Variants in CLIP1 observed in about 807,000 individuals in gnomAD.
CLIP1 encodes the protein CAP-Gly domain-containing linker protein 1.
In CLIP1, 66 loss-of-function variants were observed where a neutral mutation model predicts 161.6. The observed-to-expected ratio is 0.41, with a 90% CI of 0.33 to 0.50. The LOEUF is 0.50. Ranked by LOEUF, CLIP1 falls within the 20% of genes least tolerant of loss-of-function variation. CLIP1 has a pLI of 0.27. For synonymous variants in CLIP1, 598 were observed against 626.2 expected, an observed-to-expected ratio of 0.96 and a Z score of 0.67; for missense variants, 1,376 against 1,702.0, an observed-to-expected ratio of 0.81 and a Z score of 3.37.
chr12:122,364,152 T>C (rs765502454), intron 3 of CLIP1, 45 bp from the exon 4 acceptor site: 4 of 1,612,512 alleles, frequency 2.5e-6, no homozygotes, highest in Non-Finnish European at 3.4e-6. Flanking sequence ...CATCACTCTA[T>C]AGCTTAATCG....
chr12:122,292,474 C>A (rs988848570), intron 20 of CLIP1, among the ~76,000 whole-genome samples: 4 of 152,114 alleles, frequency 2.6e-5, no homozygotes, highest in Non-Finnish European at 5.9e-5. Context: ...ATTCTTTGAG[C>A]GCTTCCTTGC....
In CLIP1 at chr12:122,341,774, T is replaced by C. The variant is rs1175695885; in HGVS notation, c.1507-77A>G. 64 of 624,128 alleles carry C rather than the reference T, an allele frequency of 1.0e-4. 6 individuals carry two copies. The East Asian group carries it at 1.9e-3, about 18-fold the overall frequency. 38.7% of individuals were successfully genotyped at this position (624,128 alleles called of 1,614,324 possible). ...ACTATTTTCTTTTCTTTTTTTTTTT[T>C]TTTTTTTTTTTTTTTTTTTTTTTTT... is the stretch of plus-strand genomic sequence containing the variant. On this transcript the variant is annotated intron_variant, in intron 10 of 25. Coordinates refer to ENST00000620786, the MANE Select transcript of CLIP1 (RefSeq NM_001247997.2).
intron 11 of CLIP1, among the ~76,000 whole-genome samples, chr12:122,338,746 C>T (rs1222007304): frequency 6.6e-6 from 1 of 151,854 alleles, no homozygotes; most frequent in Non-Finnish European, 1.5e-5. Context: ...ACAAAAAAAT[C>T]CACTGGACAA....
At chr12:122,305,500 A>G (rs1414352809) in intron 20 of CLIP1, among the ~76,000 whole-genome samples, 1 of 152,170 alleles carries the variant, frequency 6.6e-6, no homozygotes, top group Non-Finnish European at 1.5e-5. Context: ...CTGAATTTAC[A>G]CTGTATGCTT....
At chr12:122,313,166 T>G (rs1337317420) in intron 19 of CLIP1, among the ~76,000 whole-genome samples, 1 of 152,190 alleles carries the variant, frequency 6.6e-6, no homozygotes, top group Non-Finnish European at 1.5e-5. Flanking sequence ...AGCCATATTG[T>G]GCCAAGTCAC....
At chr12:122,362,383 C>A (rs1051791981) in intron 4 of CLIP1, among the ~76,000 whole-genome samples, 1 of 151,068 alleles carries the variant, frequency 6.6e-6, no homozygotes, top group South Asian at 2.1e-4. Flanking sequence ...CCGTGGCTCA[C>A]GCCTGTAATA....
At chr12:122,309,709 A>C in intron 20 of CLIP1, 53 bp downstream of exon 20, 1 of 1,603,482 alleles carries the variant, frequency 6.2e-7, no homozygotes, top group Non-Finnish European at 8.5e-7. Flanking sequence ...TGCTGCCAAC[A>C]GCAGCAGCAC....
chr12:122,316,949 C>A, intron 18 of CLIP1, 94 bp from the exon 19 acceptor site: 2 of 758,844 alleles, frequency 2.6e-6, no homozygotes, highest in Non-Finnish European at 4.1e-6. Context: ...ACTGAAAAGA[C>A]AGATGAAATT....
At chr12:122,304,355 T>G (rs1235115964) in intron 20 of CLIP1, among the ~76,000 whole-genome samples, 1 of 152,142 alleles carries the variant, frequency 6.6e-6, no homozygotes, top group Non-Finnish European at 1.5e-5. Flanking sequence ...CCTTTCTTGG[T>G]TGCCAATTTA....
At chr12:122,349,809 A>C (rs1337642998) in intron 9 of CLIP1, among the ~76,000 whole-genome samples, 1 of 152,248 alleles carries the variant, frequency 6.6e-6, no homozygotes, top group East Asian at 1.9e-4. Context: ...GAAGGAGAGA[A>C]GAGACCCAGA....
At chr12:122,416,640 C>T (rs1477022872) in intron 1 of CLIP1, among the ~76,000 whole-genome samples, 1 of 152,100 alleles carries the variant, frequency 6.6e-6, no homozygotes, top group Non-Finnish European at 1.5e-5. Context: ...GTGGCTCACA[C>T]CTGTAATCCC....
intron 20 of CLIP1, among the ~76,000 whole-genome samples, chr12:122,309,249 A>ATG (rs1950981540): frequency 6.6e-6 from 1 of 152,240 alleles, no homozygotes; most frequent in African/African-American, 2.4e-5. Context: ...TTACCAATGC[A>ATG]CACAAGTGTA....
intron 20 of CLIP1, among the ~76,000 whole-genome samples, chr12:122,294,987 C>G (rs893821654): frequency 6.7e-6 from 1 of 148,258 alleles, no homozygotes; most frequent in African/African-American, 2.5e-5. Flanking sequence ...ACCCAGGAGG[C>G]AGAGGTTTCA....
At chr12:122,317,281 A>G (rs139213547) in intron 18 of CLIP1, among the ~76,000 whole-genome samples, 3 of 152,354 alleles carry the variant, frequency 2.0e-5, no homozygotes, top group Non-Finnish European at 4.4e-5. Context: ...TTAGGATACG[A>G]TATTTTTCAA....
chr12:122,342,302 C>T (rs539353644), intron 10 of CLIP1: 2 of 152,268 alleles, frequency 1.3e-5, no homozygotes, highest in South Asian at 4.1e-4. Flanking sequence ...ATATAACTGC[C>T]TCCTGAAAGA....
At chr12:122,284,406 G>C (rs1389707790) in intron 21 of CLIP1, among the ~76,000 whole-genome samples, 1 of 151,466 alleles carries the variant, frequency 6.6e-6, no homozygotes, top group East Asian at 1.9e-4. Context: ...AGGCTGGAGT[G>C]CAATGGCGCG....
Position 122,384,936 on chromosome 12 carries a change from A to ATTT in CLIP1, c.-106-4381_-106-4379dup, listed in dbSNP as rs201805064. Among the ~76,000 whole-genome samples the ATTT allele has an allele frequency of 1.4e-3, 188 of 136,806 alleles. 1 individual carries two copies. Among genetic ancestry groups the ATTT allele is most frequent in the African/African-American group, 4.9e-3 (182 of 37,028 alleles). 89.8% of individuals were successfully genotyped at this position (136,806 alleles called of 152,430 possible). On this transcript the variant is annotated intron_variant, in intron 1 of 25. Transcript: ENST00000620786. Reference sequence around the variant, plus strand: ...AAGGGAAACAAGTGAGTTGATGGTAATTTTTTTTTTTTTTTTTGAGACAGT... The same window carrying ATTT: ...AAGGGAAACAAGTGAGTTGATGGTAATTTTTTTTTTTTTTTTTTTTGAGACAGT...
intron 4 of CLIP1, among the ~76,000 whole-genome samples, chr12:122,362,081 G>A (rs1239817331): frequency 2.0e-5 from 3 of 151,456 alleles, no homozygotes; most frequent in African/African-American, 7.3e-5. Flanking sequence ...AGCCTCCCGA[G>A]TAGCTGGGAC....
intron 17 of CLIP1, among the ~76,000 whole-genome samples, chr12:122,327,444 C>A (rs568580278): frequency 6.6e-6 from 1 of 152,152 alleles, no homozygotes; most frequent in Non-Finnish European, 1.5e-5. Context: ...CCTGGGGACA[C>A]ATAAAGCCCT....
Sources: gnomAD v4.1 joint callset for allele counts (sites outside exome capture counted in the v4.1 genomes callset) on GRCh38, gnomAD v4.1.1 for gene constraint, MANE v1.5 for transcripts, NCBI Gene and HGNC (gene_info 2026-07-23, HGNC 2026-07-21) for gene names.